Variants in UBXN11 observed in about 807,000 individuals in gnomAD.
UBXN11 encodes UBX domain protein 11.
Under a neutral mutation model 62.8 loss-of-function variants are expected in UBXN11, and 47 were observed. The ratio of observed to expected loss-of-function variants is 0.75; its 90% confidence interval spans 0.59 to 0.95. The LOEUF is 0.95. Among genes scored for constraint, UBXN11 ranks in the 40% least tolerant of loss-of-function variants. The pLI is 0.00. For missense variants in UBXN11, 638 were observed against 661.7 expected (o/e 0.96, Z 0.39); for synonymous variants, 294 against 267.0 (o/e 1.10, Z -0.99).
chr1:26,302,362 TAAAAAAAA>T (rs56003085), intron 2 of UBXN11, among the ~76,000 whole-genome samples: 3 of 69,530 alleles, frequency 4.3e-5, no homozygotes, highest in Non-Finnish European at 7.7e-5. Flanking sequence ...ACTTGGTCTT[TAAAAAAAA>T]AAAAAAAAAA....
At chr1:26,303,493 G>A (rs908767060) in intron 1 of UBXN11, among the ~76,000 whole-genome samples, 1 of 151,870 alleles carries the variant, frequency 6.6e-6, no homozygotes. Context: ...GCGTGGTGGC[G>A]TGCTCCTGTA....
At chr1:26,315,391 C>A (rs1036591616) in intron 1 of UBXN11, among the ~76,000 whole-genome samples, 1 of 152,200 alleles carries the variant, frequency 6.6e-6, no homozygotes, top group Non-Finnish European at 1.5e-5. Context: ...GACTTCAACA[C>A]GGGTATCCTG....
intron 7 of UBXN11, 96 bp downstream of exon 7, chr1:26,296,820 GGCC>G: frequency 8.0e-7 from 1 of 1,252,716 alleles, no homozygotes; most frequent in South Asian, 1.4e-5. Flanking sequence ...GACGAGGAGA[GGCC>G]CAGAGAGGTG....
upstream of UBXN11, among the ~76,000 whole-genome samples, chr1:26,308,935 A>ATTTTTTTTTTTT (rs57323315): frequency 9.2e-6 from 1 of 108,270 alleles, no homozygotes. Context: ...CAGTCGTTTG[A>ATTTTTTTTTTTT]TTTTTTTTTT....
Position 26,297,493 on chromosome 1 carries a change from GAC to G in UBXN11, c.301-14_301-13del, listed in dbSNP as rs2073422202. 6.5e-7 allele frequency: 1 copy of G among 1,550,134 alleles called. No homozygotes were observed. ...GCTATCTTCTGATCCTGTAGCATAA[GAC>G]ACAGGGTGAGCACAGGGCCTGTGGT... On this transcript the variant is annotated splice_polypyrimidine_tract_variant and intron_variant, in intron 5 of 14. Coordinates refer to ENST00000374222, the MANE Select transcript of UBXN11 (RefSeq NM_001389556.1).
chr1:26,282,758 G>A lies in UBXN11; in HGVS notation c.1183C>T (p.Pro395Ser). Residue 395 changes from proline to serine, a missense_variant, in exon 14 of 15, where the codon CCG (proline) becomes TCG (serine). Transcript: ENST00000374222. ...GACTTGATGCGCAGCATGGAGAGCG[G>A]GGGTGCCGGCGTGTTGGGTGACTCC... ...SQESPNTPAPPLSMLRIKSEN... is the reference protein window; with the variant it reads ...SQESPNTPAPSLSMLRIKSEN... 6.2e-7 allele frequency: 1 copy of A among 1,614,162 alleles called. No homozygotes were observed. The highest frequency in any genetic ancestry group is 1.1e-5 in the South Asian group (1 of 91,090).
At chr1:26,309,245 A>ATTTTTTC (rs2073714861), upstream of UBXN11, among the ~76,000 whole-genome samples, 1 of 112,522 alleles carries the variant, frequency 8.9e-6, no homozygotes, top group Non-Finnish European at 1.7e-5. Context: ...GAGTCAATTG[A>ATTTTTTC]TTTTTTTTTT....
intron 4 of UBXN11, among the ~76,000 whole-genome samples, chr1:26,300,587 G>A (rs1489430939): frequency 6.6e-6 from 1 of 152,114 alleles, no homozygotes; most frequent in Non-Finnish European, 1.5e-5. Flanking sequence ...GCGACTTTGG[G>A]CCTTGCCAGA....
intron 2 of UBXN11, among the ~76,000 whole-genome samples, 186 bp from the exon 3 acceptor site, chr1:26,301,908 G>A (rs890212891): frequency 1.3e-5 from 2 of 152,164 alleles, no homozygotes; most frequent in Admixed American, 6.5e-5. Flanking sequence ...GACAGGCTTC[G>A]AGGTGTCTGA....
chr1:26,312,968 A>C (rs1039242094), intron 1 of UBXN11, among the ~76,000 whole-genome samples: 16 of 100,766 alleles, frequency 1.6e-4, no homozygotes, highest in African/African-American at 6.5e-4. Context: ...AACAAGAGCA[A>C]AACTCTGTCT....
chr1:26,298,780 GAAAAAAAAAA>G (rs11368453), intron 4 of UBXN11, among the ~76,000 whole-genome samples: 7 of 61,708 alleles, frequency 1.1e-4, no homozygotes, highest in Non-Finnish European at 2.0e-4. Context: ...CTCTGTCTCA[GAAAAAAAAAA>G]AAAAAAAAAA....
upstream of UBXN11, among the ~76,000 whole-genome samples, chr1:26,309,466 C>T (rs887085515): frequency 3.3e-5 from 5 of 151,736 alleles, no homozygotes; most frequent in Non-Finnish European, 7.4e-5. Context: ...TCTCTATCTC[C>T]TGACCTCATG....
rs766699813 is a variant in UBXN11, at chr1:26,282,494, C to CAGCGTGA, written c.1361_1367dup (p.Gln457HisfsTer?). ...CTTTGGGCACAAGGCCTGCAGCCTGCAGCGTGAGTGTATCGTCCTGGTAGA... is the reference window on the plus strand; with the variant it reads ...CTTTGGGCACAAGGCCTGCAGCCTGCAGCGTGAAGCGTGAGTGTATCGTCCTGGTAGA... On this transcript the variant is annotated frameshift_variant, in exon 15 of 15. Coordinates refer to ENST00000374222, the MANE Select transcript of UBXN11 (RefSeq NM_001389556.1). LOFTEE classifies it low-confidence loss of function (END_TRUNC). 4.7e-5 allele frequency: 75 copies of CAGCGTGA among 1,606,300 alleles called. No individual in the cohort carries two copies. Among genetic ancestry groups the CAGCGTGA allele is most frequent in the Non-Finnish European group, 6.0e-5 (71 of 1,175,950 alleles).
intron 13 of UBXN11, 34 bp from the exon 14 acceptor site, chr1:26,282,823 C>G: frequency 6.2e-7 from 1 of 1,614,064 alleles, no homozygotes; most frequent in Non-Finnish European, 8.5e-7. Context: ...CACGCGGTGA[C>G]CCAACGCCCC....
intron 10 of UBXN11, chr1:26,285,130 A>T: frequency 9.1e-7 from 1 of 1,097,528 alleles, no homozygotes; most frequent in Non-Finnish European, 1.1e-6. Flanking sequence ...CCCTACCCAG[A>T]TAGCTTCAGG....
intron 7 of UBXN11, 44 bp downstream of exon 7, chr1:26,296,875 G>A: frequency 6.4e-7 from 1 of 1,563,310 alleles, no homozygotes; most frequent in East Asian, 2.3e-5. Flanking sequence ...TGAAGAGCTG[G>A]GGACTGCTGG....
chr1:26,284,085 C>A (rs1409086287), intron 12 of UBXN11, 57 bp downstream of exon 12: 1 of 1,513,022 alleles, frequency 6.6e-7, no homozygotes, highest in Non-Finnish European at 8.9e-7. Context: ...GCAGGCTGGA[C>A]CAGGGCTGGT....
chr1:26,306,827 G>GC (rs1220960676), upstream of UBXN11: 10 of 85,358 alleles, frequency 1.2e-4, no homozygotes, highest in African/African-American at 4.0e-4. Flanking sequence ...TCCGGGGCGG[G>GC]GTGGGGGGGG....
At chr1:26,310,222 G>C (rs894799740), upstream of UBXN11, among the ~76,000 whole-genome samples, 1 of 152,130 alleles carries the variant, frequency 6.6e-6, no homozygotes, top group African/African-American at 2.4e-5. Flanking sequence ...CCAACATGAC[G>C]AAACCCTGTC....
Sources: allele counts gnomAD v4.1 joint callset (sites outside exome capture counted in the v4.1 genomes callset), GRCh38; gene constraint gnomAD v4.1.1; transcripts MANE v1.5; gene names NCBI Gene and HGNC (gene_info 2026-07-23, HGNC 2026-07-21).